The following MTHFD2L variants were observed in gnomAD, a reference collection of about 807,000 sequenced individuals.
MTHFD2L encodes the protein bifunctional methylenetetrahydrofolate dehydrogenase/cyclohydrolase 2, mitochondrial.
MTHFD2L carries 29 observed loss-of-function variants against 34.9 expected under a neutral mutation model. That is an observed-to-expected ratio of 0.83 (90% CI 0.62 to 1.13). The LOEUF is 1.13. Among genes scored for constraint, MTHFD2L ranks in the 50% most tolerant of loss-of-function variants. MTHFD2L has a pLI of 0.00. For synonymous variants in MTHFD2L, 167 were observed against 155.7 expected (o/e 1.07, Z -0.54); for missense variants, 481 against 446.5 (o/e 1.08, Z -0.70).
intron 3 of MTHFD2L, among the ~76,000 whole-genome samples, chr4:74,178,941 C>T (rs139646813): frequency 3.3e-5 from 5 of 151,972 alleles, no homozygotes; most frequent in African/African-American, 4.8e-5. Context: ...ATACTCTTAC[C>T]GATTATGTTA....
intron 1 of MTHFD2L, among the ~76,000 whole-genome samples, chr4:74,149,442 A>G (rs1022999977): frequency 1.4e-5 from 2 of 147,068 alleles, no homozygotes; most frequent in African/African-American, 4.9e-5. Context: ...GCAACAAAAT[A>G]AATATGTTTT....
chr4:74,247,322 T>C (rs571293682), intron 6 of MTHFD2L, among the ~76,000 whole-genome samples: 9 of 151,794 alleles, frequency 5.9e-5, no homozygotes, highest in Admixed American at 1.3e-4. Flanking sequence ...TTTTTATACA[T>C]TGATTTTGTA....
At chr4:74,290,437 G>A (rs1385779922) in intron 7 of MTHFD2L, among the ~76,000 whole-genome samples, 1 of 152,024 alleles carries the variant, frequency 6.6e-6, no homozygotes, top group Non-Finnish European at 1.5e-5. Context: ...AAGCTAACTT[G>A]GGTTTGAATC....
chr4:74,248,736 G>A (rs1407394912), intron 6 of MTHFD2L, among the ~76,000 whole-genome samples: 2 of 150,458 alleles, frequency 1.3e-5, no homozygotes, highest in East Asian at 3.9e-4. Flanking sequence ...ATTTCGTTAT[G>A]TACCCAGTAG....
intron 1 of MTHFD2L, among the ~76,000 whole-genome samples, chr4:74,170,681 T>C (rs1427610252): frequency 6.6e-6 from 1 of 151,904 alleles, no homozygotes; most frequent in Non-Finnish European, 1.5e-5. Flanking sequence ...ACCCCATATC[T>C]GATAAAGGAC....
intron 6 of MTHFD2L, among the ~76,000 whole-genome samples, chr4:74,275,778 C>T (rs185395300): frequency 2.4e-4 from 37 of 152,008 alleles, no homozygotes; most frequent in Admixed American, 2.3e-3. Context: ...ATCCTTTGCC[C>T]ACTTTTTGAT....
chr4:74,179,171 AGATC>A (rs1182082015), intron 3 of MTHFD2L, among the ~76,000 whole-genome samples: 1 of 152,112 alleles, frequency 6.6e-6, no homozygotes, highest in African/African-American at 2.4e-5. Flanking sequence ...ACCCAAACCC[AGATC>A]AACTGATTTC....
chr4:74,115,534 C>T (rs1250174109), intron 2 of MTHFD2L, among the ~76,000 whole-genome samples: 2 of 152,218 alleles, frequency 1.3e-5, no homozygotes, highest in African/African-American at 2.4e-5. Context: ...CAAGAATTAG[C>T]GCGGATGGTT....
intron 5 of MTHFD2L, among the ~76,000 whole-genome samples, chr4:74,212,659 A>G (rs1035503190): frequency 1.3e-5 from 2 of 152,196 alleles, no homozygotes; most frequent in African/African-American, 2.4e-5. Flanking sequence ...GTCGAGAAGA[A>G]TGTATATTCT....
chr4:74,220,812 TGTA>T (rs1287316560), intron 5 of MTHFD2L, among the ~76,000 whole-genome samples: 3 of 151,424 alleles, frequency 2.0e-5, no homozygotes, highest in South Asian at 4.2e-4. Context: ...TGTTTCTTAT[TGTA>T]GTCTGGTTTT....
intron 6 of MTHFD2L, among the ~76,000 whole-genome samples, chr4:74,271,886 A>G (rs1018668614): frequency 5.3e-5 from 8 of 152,124 alleles, no homozygotes; most frequent in African/African-American, 1.9e-4. Flanking sequence ...GGTCTTTCAC[A>G]TCCCTTGTAA....
chr4:74,136,009 C>T (rs1417997861), intron 1 of MTHFD2L, among the ~76,000 whole-genome samples: 1 of 151,978 alleles, frequency 6.6e-6, no homozygotes, highest in Non-Finnish European at 1.5e-5. Flanking sequence ...ATGACAAACC[C>T]ATAGCTAACA....
In MTHFD2L at chr4:74,205,253, AC is replaced by A. The variant is rs560943761; in HGVS notation, c.712+3884del. Among the ~76,000 whole-genome samples the A allele has an allele frequency of 2.8e-4, 43 of 152,302 alleles. No individual in the cohort carries two copies. The South Asian group carries it at 5.4e-3, about 19-fold the overall frequency. On this transcript the variant is annotated intron_variant, in intron 5 of 7. Coordinates refer to ENST00000325278, the MANE Select transcript of MTHFD2L (RefSeq NM_001144978.3). ...GTCTGTGGGAAAGTTAATATTTCAA[AC>A]ATGCGTGTCTGTTAGGGCAATAATT...
chr4:74,128,410 G>T (rs1320549697), intron 1 of MTHFD2L, among the ~76,000 whole-genome samples: 2 of 151,804 alleles, frequency 1.3e-5, no homozygotes, highest in African/African-American at 4.8e-5. Context: ...TGAGACATAG[G>T]GGTCTAATTT....
At chr4:74,284,035 A>G (rs186179091) in intron 7 of MTHFD2L, among the ~76,000 whole-genome samples, 101 of 152,292 alleles carry the variant, frequency 6.6e-4, no homozygotes, top group African/African-American at 2.4e-3. Flanking sequence ...AAGTTTCACT[A>G]TAACTATAGC....
intron 3 of MTHFD2L, among the ~76,000 whole-genome samples, chr4:74,178,599 G>A (rs1445380620): frequency 1.3e-5 from 2 of 151,784 alleles, no homozygotes; most frequent in African/African-American, 2.4e-5. Context: ...GAAGCATAGA[G>A]CTAAAGTGAC....
At chr4:74,157,869 A>T (rs1724439988), upstream of MTHFD2L, 1 of 633,200 alleles carries the variant, frequency 1.6e-6, no homozygotes, top group South Asian at 1.5e-5. Flanking sequence ...TGCGGGGCCC[A>T]GTCGCCAGGC....
At chr4:74,175,757 C>T (rs894363015) in intron 3 of MTHFD2L, among the ~76,000 whole-genome samples, 1 of 151,998 alleles carries the variant, frequency 6.6e-6, no homozygotes, top group Non-Finnish European at 1.5e-5. Context: ...GCATTGAAAA[C>T]TCTCCTACTG....
chr4:74,255,178 A>G lies in MTHFD2L; in HGVS notation c.806-26247A>G, dbSNP rs549490862. ...AAAAAAAAAGAATTAGTTAATGGGTATACAGTATAAAAAAATGTAAATTGT... is the reference window on the plus strand; with the variant it reads ...AAAAAAAAAGAATTAGTTAATGGGTGTACAGTATAAAAAAATGTAAATTGT... On this transcript the variant is annotated intron_variant, in intron 6 of 7. Transcript: ENST00000325278. 8.2e-5 allele frequency among the ~76,000 whole-genome samples: 12 copies of G among 147,234 alleles called. No homozygotes were observed. The East Asian group carries it at 2.0e-3, about 25-fold the overall frequency.
Sources: allele counts gnomAD v4.1 joint callset (sites outside exome capture counted in the v4.1 genomes callset), GRCh38; gene constraint gnomAD v4.1.1; transcripts MANE v1.5; gene names NCBI Gene and HGNC (gene_info 2026-07-23, HGNC 2026-07-21).